Variants in AK9 observed in about 807,000 individuals in gnomAD.
The protein encoded by AK9 is adenylate kinase 9.
In AK9, 191 loss-of-function variants were observed where a neutral mutation model predicts 239.6. That is an observed-to-expected ratio of 0.80 (90% CI 0.71 to 0.90). AK9 has a LOEUF of 0.90. Among genes scored for constraint, AK9 ranks in the 40% least tolerant of loss-of-function variants. AK9 has a pLI of 0.00. For synonymous variants in AK9, 689 were observed against 721.0 expected (o/e 0.96, Z 0.71); for missense variants, 1,995 against 2,214.7 (o/e 0.90, Z 1.99).
At chr6:109,514,584 T>A in intron 31 of AK9, 147 bp from the exon 32 acceptor site, 1 of 718,716 alleles carries the variant, frequency 1.4e-6, no homozygotes, top group Non-Finnish European at 2.2e-6. Context: ...AGGTTAATAT[T>A]AAACAACTGT....
chr6:109,628,766 TG>T (rs2128264384), intron 12 of AK9, among the ~76,000 whole-genome samples: 2 of 152,270 alleles, frequency 1.3e-5, no homozygotes, highest in South Asian at 4.1e-4. Context: ...AAAACTTCTG[TG>T]GTTTTTCTCT....
At chr6:109,500,189 T>C (rs1334897508) in intron 35 of AK9, among the ~76,000 whole-genome samples, 1 of 152,026 alleles carries the variant, frequency 6.6e-6, no homozygotes, top group African/African-American at 2.4e-5. Flanking sequence ...CACACAAAGT[T>C]CTCCCTGTGC....
intron 25 of AK9, among the ~76,000 whole-genome samples, chr6:109,548,086 A>G (rs1460253732): frequency 6.6e-6 from 1 of 152,206 alleles, no homozygotes; most frequent in Non-Finnish European, 1.5e-5. Flanking sequence ...GATGTGAAGA[A>G]AGGGGAACAC....
chr6:109,681,133 T>G (rs1213230469), intron 1 of AK9, among the ~76,000 whole-genome samples: 1 of 152,190 alleles, frequency 6.6e-6, no homozygotes, highest in Non-Finnish European at 1.5e-5. Context: ...AATGCCCTGA[T>G]TAAAAGACAC....
At chr6:109,646,549 A>G (rs1161708081) in intron 8 of AK9, among the ~76,000 whole-genome samples, 1 of 152,306 alleles carries the variant, frequency 6.6e-6, no homozygotes, top group East Asian at 1.9e-4. Context: ...AAAAAAGAGT[A>G]AAAAGAAATG....
intron 1 of AK9, among the ~76,000 whole-genome samples, 171 bp downstream of exon 1, chr6:109,690,976 C>CCGCA (rs941164448): frequency 3.3e-5 from 5 of 152,206 alleles, no homozygotes; most frequent in Admixed American, 3.3e-4. Context: ...GGAAAATGGG[C>CCGCA]CGCAGCAGGC....
At position 109,678,263 on chromosome 6, in the gene AK9, G is replaced by A. The variant is rs376809357; in HGVS notation, c.-11-2507C>T. Among the ~76,000 whole-genome samples the A allele has an allele frequency of 1.1e-4, 17 of 152,236 alleles. No homozygotes were observed. In the East Asian group the frequency reaches 2.5e-3, roughly 22 times the overall value. On this transcript the variant is annotated intron_variant, in intron 1 of 40. Transcript: ENST00000424296. Reference sequence around the variant, plus strand: ...ATAAACTATTGATACATGCAGCAACGTGTATCAATCTCTAAAGAATTAAAC... The same window carrying A: ...ATAAACTATTGATACATGCAGCAACATGTATCAATCTCTAAAGAATTAAAC...
At position 109,666,363 on chromosome 6, in the gene AK9, T is replaced by C. The variant is rs575712406; in HGVS notation, c.332-3700A>G. 7.2e-5 allele frequency among the ~76,000 whole-genome samples: 11 copies of C among 152,308 alleles called. No individual in the cohort carries two copies. In the East Asian group the frequency reaches 1.5e-3, roughly 21 times the overall value. ...GTCAACCTTTCCAATTCCAGAGACA[T>C]GTGAGGATGAAAGCACAGATGAGGA... On this transcript the variant is annotated intron_variant, in intron 5 of 40. Transcript: ENST00000424296.
chr6:109,539,056 C>G (rs1338031672), intron 27 of AK9, among the ~76,000 whole-genome samples: 1 of 152,184 alleles, frequency 6.6e-6, no homozygotes, highest in African/African-American at 2.4e-5. Context: ...TTCATTTCAA[C>G]TTTGGTGAAT....
At chr6:109,580,033 T>G (rs1397167813) in intron 19 of AK9, among the ~76,000 whole-genome samples, 2 of 152,176 alleles carry the variant, frequency 1.3e-5, no homozygotes, top group Non-Finnish European at 2.9e-5. Context: ...AGAATGCATA[T>G]AAATGAGGAT....
intron 23 of AK9, 121 bp from the exon 24 acceptor site, chr6:109,563,833 G>A: frequency 7.9e-7 from 1 of 1,264,702 alleles, no homozygotes. Context: ...GATTAAATAT[G>A]TATGCAAATA....
rs1776936595 is a variant in AK9 at position 109,495,457 on chromosome 6, C to T, written c.5316-17G>A. 6.4e-7 allele frequency: 1 copy of T among 1,573,052 alleles called. No homozygotes were observed. The highest frequency in any genetic ancestry group is 1.7e-4 in the Middle Eastern group (1 of 5,964). Reference sequence around the variant, plus strand: ...AGTGGCGACCTAAGAACACAAAGTTCATTAGATGGATGCTCACAGTTATAC... The same window carrying T: ...AGTGGCGACCTAAGAACACAAAGTTTATTAGATGGATGCTCACAGTTATAC... On this transcript the variant is annotated splice_polypyrimidine_tract_variant and intron_variant, in intron 38 of 40. Coordinates refer to ENST00000424296, the MANE Select transcript of AK9 (RefSeq NM_001145128.3).
At chr6:109,632,726 A>G in intron 12 of AK9, 197 bp downstream of exon 12, 2 of 1,250,828 alleles carry the variant, frequency 1.6e-6, no homozygotes, top group Non-Finnish European at 2.1e-6. Context: ...TGGAAGCAGC[A>G]ATAAACAACA....
rs781431485 is a variant in AK9 at position 109,497,598 on chromosome 6, G to T, written c.5217-35C>A. The T allele has an allele frequency of 2.1e-6, 3 of 1,453,812 alleles. No homozygotes were observed. In the Admixed American group the frequency reaches 5.8e-5, roughly 28 times the overall value. 90.1% of individuals were successfully genotyped at this position (1,453,812 alleles called of 1,614,324 possible). ...CAAAAAACAAAACAAAACCTCTATT[G>T]TATAATTAATATGCAGTCCTGTGTA... On this transcript the variant is annotated intron_variant, in intron 37 of 40. Coordinates refer to ENST00000424296, the MANE Select transcript of AK9 (RefSeq NM_001145128.3).
rs543875474 is a variant in AK9 at position 109,651,658 on chromosome 6, T to C, written c.759+5098A>G. On this transcript the variant is annotated intron_variant, in intron 8 of 40. Coordinates refer to ENST00000424296, the MANE Select transcript of AK9 (RefSeq NM_001145128.3). Reference sequence around the variant, plus strand: ...TGGTTTTTTGAAAAGATCAACAAAATTGATAGACCACTAACAAGACTAATA... The same window carrying C: ...TGGTTTTTTGAAAAGATCAACAAAACTGATAGACCACTAACAAGACTAATA... Among the ~76,000 whole-genome samples, 465 of 151,874 alleles carry C rather than the reference T, an allele frequency of 3.1e-3. 2 individuals carry two copies. The highest frequency in any genetic ancestry group is 5.6e-3 in the Non-Finnish European group (381 of 67,950).
rs1779291127 is a variant in AK9, at chr6:109,516,523, T to G, written c.3753A>C (p.Glu1251Asp). 6.4e-7 allele frequency: 1 copy of G among 1,551,674 alleles called. No homozygotes were observed. The highest frequency in any genetic ancestry group is 8.7e-7 in the Non-Finnish European group (1 of 1,147,036). Reference sequence around the variant, plus strand: ...TTGCATCAGTTTCCTGTTCTTCATCTTCCTCGCCACTCATCTCTTCCTCAT... The same window carrying G: ...TTGCATCAGTTTCCTGTTCTTCATCGTCCTCGCCACTCATCTCTTCCTCAT... ...PKDEEEMSGE[E>D]DEEQETDAIE... is the part of the protein sequence containing the mutation. The change falls in exon 30 of 41, where the codon GAA becomes GAC. Residue 1251 changes from glutamate (E) to aspartate (D), a missense_variant. Glu to Asp is a conservative substitution (Grantham distance 45, BLOSUM62 2). Around this residue, in one of 5 missense-constraint regions of AK9, gnomAD observed 1,290 missense variants for 1,392.7 expected, o/e 0.93. Coordinates refer to ENST00000424296, the MANE Select transcript of AK9 (RefSeq NM_001145128.3).
intron 1 of AK9, among the ~76,000 whole-genome samples, chr6:109,679,819 T>C (rs554302467): frequency 4.6e-5 from 7 of 152,162 alleles, no homozygotes; most frequent in Admixed American, 1.3e-4. Flanking sequence ...AAACAGAGTC[T>C]AGAGTGGACC....
intron 27 of AK9, among the ~76,000 whole-genome samples, chr6:109,539,118 G>A (rs574163936): frequency 6.6e-4 from 101 of 152,150 alleles, no homozygotes; most frequent in South Asian, 1.2e-3. Flanking sequence ...TCTTTGTGGC[G>A]TTCTCTGTAT....
intron 5 of AK9, among the ~76,000 whole-genome samples, chr6:109,666,524 G>A (rs2128325765): frequency 6.6e-6 from 1 of 152,304 alleles, no homozygotes; most frequent in Middle Eastern, 3.4e-3. Flanking sequence ...GGCAGACTAG[G>A]TGCTTTGTAG....
Sources: gnomAD v4.1 joint callset for allele counts (sites outside exome capture counted in the v4.1 genomes callset) on GRCh38, gnomAD v4.1.1 for gene constraint, gnomAD v4.1.1 regional missense constraint, MANE v1.5 for transcripts, NCBI Gene and HGNC (gene_info 2026-07-23, HGNC 2026-07-21) for gene names.